The following SMURF2 variants were observed in gnomAD, a reference collection of about 807,000 sequenced individuals.
SMURF2 encodes the protein E3 ubiquitin-protein ligase SMURF2.
A neutral mutation model predicts 109.6 loss-of-function variants in SMURF2; 48 were observed. The ratio of observed to expected loss-of-function variants is 0.44; its 90% CI spans 0.35 to 0.56. The LOEUF is 0.56. Among genes scored for constraint, SMURF2 ranks in the 20% least tolerant of loss-of-function variants. SMURF2 has a pLI of 0.01. For synonymous variants in SMURF2, 288 were observed against 317.1 expected (o/e 0.91, Z 0.97); for missense variants, 575 against 909.0 (o/e 0.63, Z 4.72).
Position 64,606,589 on chromosome 17 carries a change from T to C in SMURF2, c.91+13A>G, listed in dbSNP as rs782034368. The C allele has an allele frequency of 4.6e-6, 7 of 1,524,958 alleles. No individual in the cohort carries two copies. Among genetic ancestry groups the C allele is most frequent in the Non-Finnish European group, 6.2e-6 (7 of 1,123,096 alleles). 94.5% of individuals were successfully genotyped at this position (1,524,958 alleles called of 1,614,324 possible). On this transcript the variant is annotated intron_variant, in intron 2 of 18. Transcript: ENST00000262435. ...TACATACAATACACAAGATTTAAAG[T>C]TAATTTACTTACGGAAAAAATCCTT...
chr17:64,598,316 ATTT>A, intron 3 of SMURF2, 63 bp downstream of exon 3: 1 of 1,320,724 alleles, frequency 7.6e-7, no homozygotes. Context: ...TCCCATGATT[ATTT>A]TCAAAGACTA....
At chr17:64,602,930 A>G (rs1183647703) in intron 2 of SMURF2, among the ~76,000 whole-genome samples, 5 of 151,056 alleles carry the variant, frequency 3.3e-5, no homozygotes, top group East Asian at 3.9e-4. Context: ...GTCTCAAGGG[A>G]AAAAAAAAAT....
At chr17:64,571,765 C>T (rs1969402105) in intron 10 of SMURF2, 33 bp downstream of exon 10, 2 of 1,578,312 alleles carry the variant, frequency 1.3e-6, no homozygotes, top group Non-Finnish European at 8.6e-7. Flanking sequence ...ATGTTTAACT[C>T]CCATTTTAAC....
chr17:64,614,845 C>A (rs1970099993), intron 1 of SMURF2, among the ~76,000 whole-genome samples: 1 of 152,218 alleles, frequency 6.6e-6, no homozygotes, highest in African/African-American at 2.4e-5. Context: ...GCTCACAGGT[C>A]AGGTATAATT....
intron 1 of SMURF2, among the ~76,000 whole-genome samples, chr17:64,637,274 C>T (rs1970429875): frequency 6.6e-6 from 1 of 151,690 alleles, no homozygotes; most frequent in South Asian, 2.1e-4. Flanking sequence ...TTACAGGTGC[C>T]TGCCACCATT....
At chr17:64,601,927 G>GTATA (rs138081903) in intron 2 of SMURF2, among the ~76,000 whole-genome samples, 4 of 145,738 alleles carry the variant, frequency 2.7e-5, no homozygotes, top group African/African-American at 1.0e-4. Context: ...ATATGTGTGT[G>GTATA]TATATATATA....
At chr17:64,567,534 C>T (rs560999536) in intron 10 of SMURF2, among the ~76,000 whole-genome samples, 1 of 152,282 alleles carries the variant, frequency 6.6e-6, no homozygotes, top group South Asian at 2.1e-4. Flanking sequence ...CTGAAATATT[C>T]TACTGGCAAC....
At chr17:64,632,324 C>T (rs1176085914) in intron 1 of SMURF2, among the ~76,000 whole-genome samples, 1 of 152,118 alleles carries the variant, frequency 6.6e-6, no homozygotes, top group African/African-American at 2.4e-5. Flanking sequence ...CTTGCCACAT[C>T]AATCACAAAT....
At chr17:64,624,027 A>G (rs1970236367) in intron 1 of SMURF2, among the ~76,000 whole-genome samples, 1 of 152,240 alleles carries the variant, frequency 6.6e-6, no homozygotes, top group South Asian at 2.1e-4. Context: ...CTACTAAACA[A>G]CTTTATGATA....
At chr17:64,565,942 G>T (rs782488659) in intron 10 of SMURF2, among the ~76,000 whole-genome samples, 8 of 150,692 alleles carry the variant, frequency 5.3e-5, no homozygotes, top group Non-Finnish European at 7.4e-5. Flanking sequence ...AACCCCAATG[G>T]CAATGTTTTG....
At chr17:64,636,596 C>G (rs9902934) in intron 1 of SMURF2, among the ~76,000 whole-genome samples, 1 of 119,846 alleles carries the variant, frequency 8.3e-6, no homozygotes. Context: ...GGGCCAGACT[C>G]TGCCTCAAAA....
intron 2 of SMURF2, among the ~76,000 whole-genome samples, chr17:64,604,463 C>T (rs1969942232): frequency 1.3e-5 from 2 of 152,026 alleles, no homozygotes; most frequent in African/African-American, 4.8e-5. Flanking sequence ...GTTTATAAAA[C>T]ATTAATATAT....
chr17:64,588,407 T>A (rs1307665545), intron 5 of SMURF2, among the ~76,000 whole-genome samples: 20 of 151,996 alleles, frequency 1.3e-4, no homozygotes, highest in African/African-American at 2.9e-4. Context: ...AGCAAAAAAA[T>A]TTTTTAATTA....
intron 1 of SMURF2, among the ~76,000 whole-genome samples, chr17:64,635,397 T>A (rs1385989251): frequency 6.6e-6 from 1 of 152,154 alleles, no homozygotes; most frequent in Non-Finnish European, 1.5e-5. Flanking sequence ...AATTCAATAA[T>A]TTTTAGCATA....
At chr17:64,646,437 G>A (rs949811509) in intron 1 of SMURF2, among the ~76,000 whole-genome samples, 1 of 147,542 alleles carries the variant, frequency 6.8e-6, no homozygotes, top group Admixed American at 6.9e-5. Context: ...AGGCTGGAGT[G>A]CAGTGGCACC....
intron 9 of SMURF2, among the ~76,000 whole-genome samples, chr17:64,576,183 C>T (rs933428276): frequency 3.3e-5 from 5 of 152,018 alleles, no homozygotes; most frequent in East Asian, 3.9e-4. Context: ...CCAGCCTGGA[C>T]AGCAGAGCTA....
rs1277783397 is a variant in SMURF2, at chr17:64,661,924, G to A, written c.-44C>T. ...GGCGGGGGCGGCGGGCGGCACGGGG[G>A]CGACGGCGAGGCGCGGCGGAGTCAC... On this transcript the variant is annotated 5_prime_UTR_variant, in exon 1 of 19. Coordinates refer to ENST00000262435, the MANE Select transcript of SMURF2 (RefSeq NM_022739.4). The A allele has an allele frequency of 7.7e-6, 9 of 1,163,610 alleles. No homozygotes were observed. The highest frequency in any genetic ancestry group is 9.5e-6 in the Non-Finnish European group (9 of 944,436). 72.1% of individuals were successfully genotyped at this position (1,163,610 alleles called of 1,614,324 possible).
intron 1 of SMURF2, among the ~76,000 whole-genome samples, chr17:64,641,118 T>C (rs1555692530): frequency 6.6e-6 from 1 of 152,118 alleles, no homozygotes; most frequent in Non-Finnish European, 1.5e-5. Flanking sequence ...TCTGCTTTTT[T>C]ACCAATCTGC....
intron 1 of SMURF2, among the ~76,000 whole-genome samples, chr17:64,621,377 T>G (rs1301724488): frequency 6.7e-6 from 1 of 149,986 alleles, no homozygotes; most frequent in Non-Finnish European, 1.5e-5. Context: ...GTCAGGAGTT[T>G]GAGACCAGCC....
Sources: allele counts gnomAD v4.1 joint callset (sites outside exome capture counted in the v4.1 genomes callset), GRCh38; gene constraint gnomAD v4.1.1; transcripts MANE v1.5; gene names NCBI Gene and HGNC (gene_info 2026-07-23, HGNC 2026-07-21).